PTPN1: variants seen among roughly 807,000 people sequenced by gnomAD.
PTPN1 encodes tyrosine-protein phosphatase non-receptor type 1.
PTPN1 carries 12 observed loss-of-function variants against 59.9 expected under a neutral mutation model. The observed-to-expected ratio is 0.20, with a 90% CI of 0.13 to 0.32. The LOEUF is 0.32. Ranked by LOEUF, PTPN1 falls within the 10% of genes least tolerant of loss-of-function variation. PTPN1 has a pLI of 1.00. For missense variants in PTPN1, 356 were observed against 549.2 expected (o/e 0.65, Z 3.52); for synonymous variants, 178 against 203.6 (o/e 0.87, Z 1.07).
At chr20:50,538,985 T>C (rs2082636209) in intron 1 of PTPN1, among the ~76,000 whole-genome samples, 1 of 149,674 alleles carries the variant, frequency 6.7e-6, no homozygotes, top group Non-Finnish European at 1.5e-5. Context: ...ATCTTAGACC[T>C]ACTAGTAAAT....
At chr20:50,547,411 T>TAG (rs1384677413) in intron 1 of PTPN1, among the ~76,000 whole-genome samples, 2 of 152,098 alleles carry the variant, frequency 1.3e-5, no homozygotes, top group Non-Finnish European at 2.9e-5. Context: ...TCACCCAGGC[T>TAG]AGAGTGCAAT....
At chr20:50,569,120 T>C (rs2082793925) in intron 4 of PTPN1, among the ~76,000 whole-genome samples, 1 of 152,212 alleles carries the variant, frequency 6.6e-6, no homozygotes, top group South Asian at 2.1e-4. Flanking sequence ...CTTACCATAG[T>C]TCATTTTGTA....
At position 50,561,372 on chromosome 20, in the gene PTPN1, C is replaced by A; in HGVS notation, c.73C>A (p.His25Asn). Residue 25 changes from histidine to asparagine, a missense_variant, in exon 2 of 10, where the codon CAT becomes AAT. Around this residue, in one of 3 missense-constraint regions of PTPN1, gnomAD observed 194 missense variants for 344.2 expected, o/e 0.56. Transcript: ENST00000371621. ...TTATTCTTTTTTGTAGGATATCCGA[C>A]ATGAAGCCAGTGACTTCCCATGTAG... Reference protein sequence around the residue: ...SWAAIYQDIRHEASDFPCRVA... With the variant: ...SWAAIYQDIRNEASDFPCRVA... The A allele has an allele frequency of 6.2e-7, 1 of 1,610,252 alleles. No homozygotes were observed. Among genetic ancestry groups the A allele is most frequent in the Non-Finnish European group, 8.5e-7 (1 of 1,177,922 alleles).
chr20:50,551,165 T>C (rs1197757556), intron 1 of PTPN1, among the ~76,000 whole-genome samples: 3 of 152,234 alleles, frequency 2.0e-5, no homozygotes, highest in African/African-American at 7.2e-5. Flanking sequence ...TACCAGAGTT[T>C]TGTAAGCATG....
intron 1 of PTPN1, among the ~76,000 whole-genome samples, chr20:50,554,979 A>G (rs1373171329): frequency 6.6e-6 from 1 of 152,240 alleles, no homozygotes; most frequent in Non-Finnish European, 1.5e-5. Flanking sequence ...TATTAAATGT[A>G]AATGTTCTAA....
chr20:50,566,020 A>G (rs951211113), intron 3 of PTPN1, among the ~76,000 whole-genome samples: 6 of 152,146 alleles, frequency 3.9e-5, no homozygotes, highest in Admixed American at 3.9e-4. Context: ...ATCAGCCCAG[A>G]TGCTTCTCGT....
At chr20:50,558,666 G>A (rs1235398078) in intron 1 of PTPN1, among the ~76,000 whole-genome samples, 2 of 152,026 alleles carry the variant, frequency 1.3e-5, no homozygotes, top group Non-Finnish European at 2.9e-5. Context: ...TTCTCTATTG[G>A]ATATTCAGTT....
At chr20:50,577,221 G>T (rs1156952977) in intron 5 of PTPN1, among the ~76,000 whole-genome samples, 1 of 152,232 alleles carries the variant, frequency 6.6e-6, no homozygotes, top group Non-Finnish European at 1.5e-5. Context: ...CATGAGCTCT[G>T]TGAGGGTGAG....
chr20:50,553,384 G>A (rs1421610411), intron 1 of PTPN1, among the ~76,000 whole-genome samples: 4 of 152,232 alleles, frequency 2.6e-5, no homozygotes, highest in Non-Finnish European at 4.4e-5. Flanking sequence ...TACTAAGGAT[G>A]AGCAGGCTAT....
chr20:50,560,477 C>T (rs762502024), intron 1 of PTPN1, among the ~76,000 whole-genome samples: 7 of 151,992 alleles, frequency 4.6e-5, no homozygotes, highest in African/African-American at 7.2e-5. Flanking sequence ...AAATCTCGGG[C>T]GGTCTGGCTT....
rs939005519 is a variant in PTPN1 at position 50,583,076 on chromosome 20, C to T, written c.*361C>T. 9.9e-6 allele frequency: 3 copies of T among 301,892 alleles called. No individual in the cohort carries two copies. Among genetic ancestry groups the T allele is most frequent in the Admixed American group, 4.6e-5 (1 of 21,908 alleles). 18.7% of individuals were successfully genotyped at this position (301,892 alleles called of 1,614,324 possible). A position where few individuals can be genotyped will look rare whatever the true frequency, so the allele number is the denominator to read the frequency against. ...GGCGGGCGGCACGCCAACAGCCCCC[C>T]CCTTGAATCTGCAGGGAGCAACTCT... On this transcript the variant is annotated 3_prime_UTR_variant, in exon 10 of 10. Coordinates refer to ENST00000371621, the MANE Select transcript of PTPN1 (RefSeq NM_002827.4).
At position 50,545,154 on chromosome 20, in the gene PTPN1, C is replaced by T. The variant is rs6020596; in HGVS notation, c.64-16209C>T. On this transcript the variant is annotated intron_variant, in intron 1 of 9. Coordinates refer to ENST00000371621, the MANE Select transcript of PTPN1 (RefSeq NM_002827.4). ...ATTTTATTTATTTTATTTATATTGC[C>T]TATGTTGTCTAGGCTGGTTCCAAAC... is the stretch of plus-strand genomic sequence containing the variant. Among the ~76,000 whole-genome samples the T allele has an allele frequency of 5.3e-5, 8 of 152,142 alleles. No homozygotes were observed. The East Asian group carries it at 1.5e-3, about 29-fold the overall frequency.
rs533199267 is a variant in PTPN1 at position 50,568,760 on chromosome 20, C to T, written c.354+282C>T. 6.6e-5 allele frequency among the ~76,000 whole-genome samples: 10 copies of T among 152,320 alleles called. No individual in the cohort carries two copies. The highest frequency in any genetic ancestry group is 1.2e-4 in the African/African-American group (5 of 41,564). ...GCTCCGCCCACCTGTGCTGCCTGTG[C>T]GGCTCTCATCACAGTGTGGAGTTGT... On this transcript the variant is annotated intron_variant, in intron 4 of 9. Coordinates refer to ENST00000371621, the MANE Select transcript of PTPN1 (RefSeq NM_002827.4). The surrounding 1 kb of genome is among the most constrained non-coding windows in gnomAD (Gnocchi z 5.6).
At chr20:50,524,652 C>A (rs1044375833) in intron 1 of PTPN1, among the ~76,000 whole-genome samples, 1 of 139,994 alleles carries the variant, frequency 7.1e-6, no homozygotes, top group African/African-American at 2.7e-5. Context: ...TCTCGACTCA[C>A]TGCAACCTCC....
chr20:50,514,880 A>G (rs1433277024), intron 1 of PTPN1, among the ~76,000 whole-genome samples: 1 of 152,192 alleles, frequency 6.6e-6, no homozygotes, highest in Non-Finnish European at 1.5e-5. Flanking sequence ...TTGAGTATCC[A>G]GGAGGGCTGG....
intron 2 of PTPN1, among the ~76,000 whole-genome samples, chr20:50,564,082 A>G (rs1329642191): frequency 6.6e-6 from 1 of 151,894 alleles, no homozygotes; most frequent in African/African-American, 2.4e-5. Flanking sequence ...AAAAAAAAAC[A>G]AAAACCTCGT....
chr20:50,546,876 C>T (rs2082678305), intron 1 of PTPN1, among the ~76,000 whole-genome samples: 1 of 152,192 alleles, frequency 6.6e-6, no homozygotes, highest in Non-Finnish European at 1.5e-5. Flanking sequence ...TACATGTGTC[C>T]TTAGTCAACT....
At chr20:50,524,149 G>A (rs971604952) in intron 1 of PTPN1, among the ~76,000 whole-genome samples, 8 of 152,160 alleles carry the variant, frequency 5.3e-5, no homozygotes, top group Non-Finnish European at 1.2e-4. Context: ...GTAGCCTAGT[G>A]GAGGTTATTC....
chr20:50,526,924 GC>G (rs1009645539), intron 1 of PTPN1, among the ~76,000 whole-genome samples: 31 of 152,186 alleles, frequency 2.0e-4, no homozygotes, highest in African/African-American at 7.2e-4. Flanking sequence ...CCAGTATTGA[GC>G]CCCTAGAAAT....
Sources: allele counts gnomAD v4.1 joint callset (sites outside exome capture counted in the v4.1 genomes callset), GRCh38; gene constraint gnomAD v4.1.1; regional missense constraint gnomAD v4.1.1; non-coding constraint Gnocchi (gnomAD v3.1); transcripts MANE v1.5; gene names NCBI Gene and HGNC (gene_info 2026-07-23, HGNC 2026-07-21).